The following FHDC1 variants were observed in gnomAD, a reference collection of about 807,000 sequenced individuals.
FHDC1 encodes the protein FH2 domain-containing protein 1.
In FHDC1, 25 loss-of-function variants were observed where a neutral mutation model predicts 52.6. The observed-to-expected ratio is 0.48, with a 90% CI of 0.35 to 0.66. The LOEUF is 0.66. FHDC1 is among the 30% of genes least tolerant of loss of function. The probability of loss-of-function intolerance (pLI) is 0.01; values close to 1 mark genes in which losing one functional copy is unlikely to be tolerated. For synonymous variants in FHDC1, 616 were observed against 581.5 expected, an observed-to-expected ratio of 1.06 and a Z score of -0.85; for missense variants, 1,459 against 1,452.8, an observed-to-expected ratio of 1.00 and a Z score of -0.07.
At chr4:152,959,258 T>G (rs929379425) in intron 4 of FHDC1, among the ~76,000 whole-genome samples, 1 of 152,234 alleles carries the variant, frequency 6.6e-6, no homozygotes, top group African/African-American at 2.4e-5. Context: ...ATTTAAACAG[T>G]GGACTTAGAA....
chr4:152,946,207 T>G (rs1018467140), intron 2 of FHDC1, among the ~76,000 whole-genome samples: 1 of 152,244 alleles, frequency 6.6e-6, no homozygotes, highest in Non-Finnish European at 1.5e-5. Flanking sequence ...AAATCTTTGC[T>G]TTTAATACTT....
At chr4:152,959,855 C>T (rs1474775376) in intron 4 of FHDC1, among the ~76,000 whole-genome samples, 23 of 152,196 alleles carry the variant, frequency 1.5e-4, no homozygotes, top group Admixed American at 1.5e-3. Context: ...TCTTTTCAGG[C>T]TGGAACCCCG....
chr4:152,965,055 A>G, intron 9 of FHDC1, 80 bp downstream of exon 9: 1 of 1,342,840 alleles, frequency 7.4e-7, no homozygotes, highest in African/African-American at 1.5e-5. Flanking sequence ...TTTAGATTCC[A>G]GTTTGAAGTC....
intron 1 of FHDC1, among the ~76,000 whole-genome samples, chr4:152,937,620 T>A (rs1739430277): frequency 6.6e-6 from 1 of 151,526 alleles, no homozygotes; most frequent in Non-Finnish European, 1.5e-5. Context: ...ACGCCCGCGC[T>A]GGGCGCCCGC....
intron 8 of FHDC1, among the ~76,000 whole-genome samples, chr4:152,963,644 T>G (rs1417827117): frequency 1.3e-5 from 2 of 152,056 alleles, no homozygotes; most frequent in African/African-American, 4.8e-5. Context: ...TTTTCTGATG[T>G]GGAATTGACT....
chr4:152,963,017 C>T lies in FHDC1; in HGVS notation c.922-6C>T, dbSNP rs1294238326. ...TAATTTTTTCTTTTTGATTTGTCTTCTTTAGGGAGGGTATGCCGGCAATGC... is the reference window on the plus strand; with the variant it reads ...TAATTTTTTCTTTTTGATTTGTCTTTTTTAGGGAGGGTATGCCGGCAATGC... On this transcript the variant is annotated splice_polypyrimidine_tract_variant and splice_region_variant and intron_variant, in intron 7 of 11. Transcript: ENST00000511601. 3 of 1,603,662 alleles carry T rather than the reference C, an allele frequency of 1.9e-6. No homozygotes were observed. Among genetic ancestry groups the T allele is most frequent in the Non-Finnish European group, 2.6e-6 (3 of 1,176,320 alleles).
Position 152,976,070 on chromosome 4 carries a change from C to T in FHDC1, c.2779C>T (p.Pro927Ser). The T allele has an allele frequency of 1.9e-6, 3 of 1,600,706 alleles. No homozygotes were observed. Among genetic ancestry groups the T allele is most frequent in the South Asian group, 2.2e-5 (2 of 89,348 alleles). ...WRRPELSSRGPSQNPPSSTDT... is the reference protein window; with the variant it reads ...WRRPELSSRGSSQNPPSSTDT... ...GCGACCAGAGCTGTCATCCCGGGGG[C>T]CCTCCCAGAATCCCCCCAGCAGCAC... is the stretch of plus-strand genomic sequence containing the variant. The change falls in exon 12 of 12, where the codon CCC becomes TCC. Residue 927 changes from proline (P) to serine (S), a missense_variant. Pro to Ser is a moderately conservative substitution (Grantham distance 74). Around this residue, in one of 3 missense-constraint regions of FHDC1, gnomAD observed 939 missense variants for 854.5 expected, o/e 1.10. Transcript: ENST00000511601.
At chr4:152,919,346 G>T in the FHDC1 span, among the ~76,000 whole-genome samples, 1 of 152,204 alleles carries the variant, frequency 6.6e-6, no homozygotes, top group South Asian at 2.1e-4. Context: ...GATCAGTGTG[G>T]AGAATATACA....
In FHDC1 at chr4:152,975,909, G is replaced by A; in HGVS notation, c.2618G>A (p.Gly873Glu). Residue 873 changes from glycine to glutamate, a missense_variant, in exon 12 of 12, where the codon GGG becomes GAG. Physicochemically the swap from Gly to Glu is moderately conservative, Grantham distance 98. Around this residue, in one of 3 missense-constraint regions of FHDC1, gnomAD observed 939 missense variants for 854.5 expected, o/e 1.10. Coordinates refer to ENST00000511601, the MANE Select transcript of FHDC1 (RefSeq NM_001371116.1). ...KRGSLKEASP[G>E]ASKPGSARRS... The stretch of plus-strand genomic sequence containing the variant: ...GGCTCCCTGAAAGAGGCGTCTCCCG[G>A]GGCCTCCAAGCCCGGGAGCGCCCGG... 1 of 1,514,448 alleles carries A rather than the reference G, an allele frequency of 6.6e-7. No homozygotes were observed. The highest frequency in any genetic ancestry group is 2.3e-5 in the Admixed American group (1 of 43,898). 93.8% of individuals were successfully genotyped at this position (1,514,448 alleles called of 1,614,324 possible). A position where few individuals can be genotyped will look rare whatever the true frequency, so the allele number is the denominator to read the frequency against.
the FHDC1 span, among the ~76,000 whole-genome samples, chr4:152,928,532 G>C: frequency 6.6e-6 from 1 of 152,284 alleles, no homozygotes; most frequent in South Asian, 2.1e-4. Flanking sequence ...CTTGCCAAAG[G>C]GTTTAGGCTT....
intron 1 of FHDC1, among the ~76,000 whole-genome samples, chr4:152,941,353 T>A (rs1462152784): frequency 6.6e-6 from 1 of 152,228 alleles, no homozygotes; most frequent in Non-Finnish European, 1.5e-5. Flanking sequence ...CCAATACATA[T>A]TTTAAAGCAA....
intron 9 of FHDC1, 87 bp downstream of exon 9, chr4:152,965,062 AG>A: frequency 7.7e-7 from 1 of 1,292,502 alleles, no homozygotes; most frequent in Non-Finnish European, 1.1e-6. Flanking sequence ...TCCAGTTTGA[AG>A]TCTAAAAGGT....
chr4:152,954,420 C>G (rs924534433), intron 4 of FHDC1, 101 bp downstream of exon 4: 8 of 882,066 alleles, frequency 9.1e-6, no homozygotes, highest in East Asian at 8.1e-5. Flanking sequence ...GGAGCAGTGG[C>G]TCACACCTGT....
the FHDC1 span, chr4:152,927,919 G>C: frequency 1.4e-6 from 2 of 1,424,948 alleles, no homozygotes; most frequent in East Asian, 4.5e-5. Context: ...GAGCTGTGAA[G>C]CGTAAGAGCT....
At chr4:152,956,913 C>T (rs1451156380) in intron 4 of FHDC1, among the ~76,000 whole-genome samples, 2 of 152,162 alleles carry the variant, frequency 1.3e-5, no homozygotes, top group Non-Finnish European at 2.9e-5. Flanking sequence ...CGGCAGGAGC[C>T]CCTTCCTAAA....
rs1052332552 is a variant in FHDC1 at position 152,943,468 on chromosome 4, C to G, written c.411C>G (p.Leu137=). 67 of 1,614,012 alleles carry G rather than the reference C, an allele frequency of 4.2e-5. No homozygotes were observed. Among genetic ancestry groups the G allele is most frequent in the Non-Finnish European group, 5.7e-5 (67 of 1,180,030 alleles). Residue 137 remains leucine, a synonymous_variant, in exon 2 of 12, where the codon CTC becomes CTG. Transcript: ENST00000511601. ...YQIDTKTIEE[L]FGQQEDTTKS... Reference sequence around the variant, plus strand: ...TTGATACAAAGACCATTGAGGAGCTCTTTGGGCAGCAGGAAGACACCACCA... The same window carrying G: ...TTGATACAAAGACCATTGAGGAGCTGTTTGGGCAGCAGGAAGACACCACCA...
At chr4:152,940,824 T>C (rs558111034) in intron 1 of FHDC1, among the ~76,000 whole-genome samples, 6 of 152,156 alleles carry the variant, frequency 3.9e-5, no homozygotes, top group Non-Finnish European at 7.3e-5. Flanking sequence ...ACCTGCACAG[T>C]CTTGAAAAAG....
chr4:152,954,068 C>G (rs1740005502), intron 3 of FHDC1, 149 bp from the exon 4 acceptor site: 1 of 622,760 alleles, frequency 1.6e-6, no homozygotes, highest in South Asian at 1.9e-5. Flanking sequence ...GGCAGTGGGG[C>G]TGTTATGAGC....
chr4:152,931,455 AACACACACACACACACACACACAC>A (rs56142204), upstream of FHDC1, among the ~76,000 whole-genome samples: 113 of 127,282 alleles, frequency 8.9e-4, 3 homozygotes, highest in African/African-American at 2.8e-3. Flanking sequence ...CAGCCTCTAA[AACACACACACACACACACACACAC>A]ACACACACAC....
Sources: gnomAD v4.1 joint callset for allele counts (sites outside exome capture counted in the v4.1 genomes callset) on GRCh38, gnomAD v4.1.1 for gene constraint, gnomAD v4.1.1 regional missense constraint, MANE v1.5 for transcripts, NCBI Gene and HGNC (gene_info 2026-07-23, HGNC 2026-07-21) for gene names.